SHANK2: variants seen among roughly 807,000 people sequenced by gnomAD.
The protein encoded by SHANK2 is SH3 and multiple ankyrin repeat domains protein 2.
In SHANK2, 43 loss-of-function variants were observed where a neutral mutation model predicts 133.7. The ratio of observed to expected loss-of-function variants is 0.32; its 90% CI spans 0.25 to 0.41. SHANK2 has a LOEUF of 0.41. Among genes scored for constraint, SHANK2 ranks in the 10% least tolerant of loss-of-function variants. The probability of loss-of-function intolerance (pLI) is 1.00; values close to 1 mark genes in which losing one functional copy is unlikely to be tolerated. For synonymous variants in SHANK2, 1,017 were observed against 952.8 expected, an observed-to-expected ratio of 1.07 and a Z score of -1.24; for missense variants, 1,994 against 2,235.8, an observed-to-expected ratio of 0.89 and a Z score of 2.18.
chr11:71,081,845 G>T (rs1301650382), intron 8 of SHANK2, among the ~76,000 whole-genome samples: 2 of 152,180 alleles, frequency 1.3e-5, no homozygotes, highest in Non-Finnish European at 2.9e-5. Context: ...TCGGCCGCTC[G>T]TGCCCAGGGG....
chr11:71,107,612 C>G (rs114396390), intron 6 of SHANK2, among the ~76,000 whole-genome samples: 1 of 152,210 alleles, frequency 6.6e-6, no homozygotes, highest in South Asian at 2.1e-4. Flanking sequence ...TGCTCCACAA[C>G]GGCTCACAAC....
At chr11:70,588,911 G>A (rs982847118) in intron 17 of SHANK2, among the ~76,000 whole-genome samples, 25 of 152,282 alleles carry the variant, frequency 1.6e-4, no homozygotes, top group East Asian at 5.8e-4. Flanking sequence ...TCCGCCTCCC[G>A]GGTTCATGCC....
intron 10 of SHANK2, among the ~76,000 whole-genome samples, chr11:70,924,617 C>T (rs571997592): frequency 2.6e-5 from 4 of 152,164 alleles, no homozygotes; most frequent in East Asian, 1.9e-4. Context: ...TGACCATGCC[C>T]GGCTAATTTT....
intron 14 of SHANK2, among the ~76,000 whole-genome samples, chr11:70,789,921 G>A (rs782150929): frequency 2.6e-5 from 4 of 152,166 alleles, no homozygotes; most frequent in Non-Finnish European, 5.9e-5. Context: ...ACTAAAATAC[G>A]ATTTGCTCTG....
intron 1 of SHANK2, among the ~76,000 whole-genome samples, chr11:71,229,796 AAAG>A (rs1565528572): frequency 6.6e-6 from 1 of 151,938 alleles, no homozygotes; most frequent in East Asian, 1.9e-4. Context: ...AAAGAAAAGA[AAAG>A]AAATAGGTAT....
chr11:70,550,847 G>C (rs1044442347), intron 17 of SHANK2, among the ~76,000 whole-genome samples: 1 of 152,342 alleles, frequency 6.6e-6, no homozygotes, highest in East Asian at 1.9e-4. Flanking sequence ...TGTGAGTCCA[G>C]CCTCAGGGCC....
rs563452320 is a variant in SHANK2 at position 71,118,961 on chromosome 11, C to G, written c.279G>C (p.Gln93His). The change falls in exon 4 of 26, where the codon CAG (glutamine) becomes CAC (histidine). Residue 93 changes from glutamine to histidine, a missense_variant. This residue lies in a region of SHANK2 where 653 missense variants were observed against 563.4 expected (regional missense o/e 1.16). Coordinates refer to ENST00000601538, the MANE Select transcript of SHANK2 (RefSeq NM_012309.5). ...AKQRILCTLT[Q>H]SLKDVLNYGL... is the part of the protein sequence containing the mutation. ...CGTAGTTCAGGACATCTTTCAAACT[C>G]TGGGTTAATGTACACAGGATCCGCT... The G allele has an allele frequency of 6.4e-7, 1 of 1,551,746 alleles. No individual in the cohort carries two copies. The highest frequency in any genetic ancestry group is 1.4e-5 in the African/African-American group (1 of 73,180).
chr11:70,693,023 G>A (rs1249711246), intron 15 of SHANK2, among the ~76,000 whole-genome samples: 1 of 152,144 alleles, frequency 6.6e-6, no homozygotes, highest in Middle Eastern at 3.2e-3. Flanking sequence ...CGAAGAGAAG[G>A]TGAGAACTAA....
At chr11:70,873,176 T>A in intron 11 of SHANK2, 1 of 465,574 alleles carries the variant, frequency 2.1e-6, no homozygotes, top group Non-Finnish European at 4.5e-6. Context: ...AACCGTGGCA[T>A]CCCAGCACTC....
At chr11:70,540,288 T>G (rs2136023154) in intron 17 of SHANK2, among the ~76,000 whole-genome samples, 1 of 152,194 alleles carries the variant, frequency 6.6e-6, no homozygotes, top group Middle Eastern at 3.4e-3. Context: ...CTCACCCATC[T>G]CTGCAAGAAG....
At chr11:70,510,931 C>T (rs1053199200) in intron 17 of SHANK2, among the ~76,000 whole-genome samples, 1 of 152,252 alleles carries the variant, frequency 6.6e-6, no homozygotes, top group Admixed American at 6.5e-5. Flanking sequence ...AAAGAGGCTG[C>T]GCCAACCTCC....
In SHANK2 at chr11:70,573,115, T is replaced by C. The variant is rs570671876; in HGVS notation, c.2062-70184A>G. On this transcript the variant is annotated intron_variant, in intron 17 of 25. Transcript: ENST00000601538. ...CACGCCTCAGAATAATCACACTGCC[T>C]GAGAGGAACCAACCCAAAAAATAGC... Among the ~76,000 whole-genome samples the C allele has an allele frequency of 1.1e-4, 16 of 151,972 alleles. 1 individual carries two copies. Among genetic ancestry groups the C allele is most frequent in the Admixed American group, 6.6e-4 (10 of 15,256 alleles).
chr11:70,487,627 G>C lies in SHANK2; in HGVS notation c.2666C>G (p.Pro889Arg). Reference protein sequence around the residue: ...SMPDTSEDIPPPPQSVPPSPP... With the variant: ...SMPDTSEDIPRPPQSVPPSPP... ...GGACGGGGGCACAGACTGCGGTGGA[G>C]GGGGGATGTCCTCAGAGGTGTCCGG... Residue 889 changes from proline to arginine, a missense_variant, in exon 25 of 26, where the codon CCT becomes CGT. Coordinates refer to ENST00000601538, the MANE Select transcript of SHANK2 (RefSeq NM_012309.5). The surrounding 1 kb of genome is among the most constrained non-coding windows in gnomAD (Gnocchi z 5.8). The C allele has an allele frequency of 1.2e-6, 2 of 1,605,756 alleles. No individual in the cohort carries two copies. Among genetic ancestry groups the C allele is most frequent in the Non-Finnish European group, 1.7e-6 (2 of 1,175,994 alleles).
intron 8 of SHANK2, among the ~76,000 whole-genome samples, chr11:71,086,593 T>C (rs1396128657): frequency 6.7e-6 from 1 of 148,768 alleles, no homozygotes; most frequent in Non-Finnish European, 1.5e-5. Context: ...AAGCAGATGA[T>C]TCTCCATAAT....
At chr11:70,552,326 C>T (rs1312075945) in intron 17 of SHANK2, among the ~76,000 whole-genome samples, 11 of 152,254 alleles carry the variant, frequency 7.2e-5, no homozygotes, top group Non-Finnish European at 1.3e-4. Flanking sequence ...GGCCAAGCCT[C>T]GGGAGGTTGG....
intron 7 of SHANK2, among the ~76,000 whole-genome samples, chr11:71,093,054 G>C (rs1042838609): frequency 7.1e-5 from 10 of 141,460 alleles, no homozygotes; most frequent in African/African-American, 2.7e-5. Flanking sequence ...AAAATAAAGG[G>C]GGGGGGGGGC....
chr11:71,234,069 C>T lies in SHANK2; in HGVS notation c.-112-9273G>A, dbSNP rs918466241. Among the ~76,000 whole-genome samples, 65 of 134,080 alleles carry T rather than the reference C, an allele frequency of 4.8e-4. 1 individual carries two copies. Among genetic ancestry groups the T allele is most frequent in the African/African-American group, 1.6e-3 (57 of 35,010 alleles). The allele number at this position is 134,080 out of a possible 152,430, so 88.0% of individuals were successfully genotyped here. On this transcript the variant is annotated intron_variant, in intron 1 of 25. Transcript: ENST00000601538. ...TCAAAGATAAATAAATAAATAGAGC[C>T]GGGAGTGGTGGCTCATGCCTGTAAT...
chr11:70,534,813 C>T (rs1191232788), intron 17 of SHANK2, among the ~76,000 whole-genome samples: 1 of 152,192 alleles, frequency 6.6e-6, no homozygotes, highest in African/African-American at 2.4e-5. Context: ...AGGACAATGG[C>T]GAGGTGGGGA....
intron 10 of SHANK2, among the ~76,000 whole-genome samples, chr11:70,935,661 T>A (rs1950561187): frequency 6.6e-6 from 1 of 152,000 alleles, no homozygotes; most frequent in Admixed American, 6.6e-5. Context: ...AGCAAACACA[T>A]CTACCATGTG....
Sources: allele counts gnomAD v4.1 joint callset (sites outside exome capture counted in the v4.1 genomes callset), GRCh38; gene constraint gnomAD v4.1.1; regional missense constraint gnomAD v4.1.1; non-coding constraint Gnocchi (gnomAD v3.1); transcripts MANE v1.5; gene names NCBI Gene and HGNC (gene_info 2026-07-23, HGNC 2026-07-21).